PHF20: variants seen among roughly 807,000 people sequenced by gnomAD.
PHF20 encodes glioma-expressed antigen 2.
In PHF20, 23 loss-of-function variants were observed where a neutral mutation model predicts 113.5. The observed-to-expected ratio is 0.20, with a 90% confidence interval of 0.15 to 0.29. The LOEUF is 0.29. Ranked by LOEUF, PHF20 falls within the 10% of genes least tolerant of loss-of-function variation. PHF20 has a pLI of 1.00. For synonymous variants in PHF20, 434 were observed against 457.3 expected (o/e 0.95, Z 0.65); for missense variants, 943 against 1,219.6 (o/e 0.77, Z 3.38).
intron 5 of PHF20, among the ~76,000 whole-genome samples, chr20:35,861,636 T>C (rs1683917693): frequency 6.6e-6 from 1 of 152,170 alleles, no homozygotes; most frequent in Admixed American, 6.6e-5. Context: ...TTTCTAGGAA[T>C]TTATTCTAGT....
At chr20:35,805,039 T>G (rs1264356898) in intron 2 of PHF20, among the ~76,000 whole-genome samples, 1 of 151,270 alleles carries the variant, frequency 6.6e-6, no homozygotes, top group Non-Finnish European at 1.5e-5. Context: ...GTATGTGGGA[T>G]TATAGGTGTG....
chr20:35,857,636 A>T (rs756282777), intron 4 of PHF20, among the ~76,000 whole-genome samples: 7 of 120,270 alleles, frequency 5.8e-5, no homozygotes, highest in African/African-American at 6.4e-5. Context: ...CCTGGAGTGG[A>T]GTGCGATGGC....
At chr20:35,906,729 C>T (rs2055207040) in intron 10 of PHF20, among the ~76,000 whole-genome samples, 2 of 152,186 alleles carry the variant, frequency 1.3e-5, no homozygotes, top group Non-Finnish European at 2.9e-5. Flanking sequence ...CTTCTTGTAT[C>T]CGATAGGCAG....
Position 35,871,050 on chromosome 20 carries a change from C to T in PHF20, c.1018C>T (p.Leu340=). 3 of 1,613,424 alleles carry T rather than the reference C, an allele frequency of 1.9e-6. No individual in the cohort carries two copies. The highest frequency in any genetic ancestry group is 2.5e-6 in the Non-Finnish European group (3 of 1,179,806). The change falls in exon 8 of 18, where the codon CTA becomes TTA. Residue 340 remains leucine, a synonymous_variant. Transcript: ENST00000374012. Reference sequence around the variant, plus strand: ...GTCCACTAATGGGACCCATGAGATCCTAGATCCTGACTTGGTTGTATCAGA... The same window carrying T: ...GTCCACTAATGGGACCCATGAGATCTTAGATCCTGACTTGGTTGTATCAGA... The part of the protein sequence containing the change: ...RLSTNGTHEI[L]DPDLVVSDLV...
rs529295660 is a variant in PHF20, at chr20:35,797,725, C to T, written c.-32-3766C>T. On this transcript the variant is annotated intron_variant, in intron 1 of 17. Transcript: ENST00000374012. ...GGTTTGCAGTGGCACGATGTCAACT[C>T]ACTGCAACCTCCGCCTCCTGGGTTC... Among the ~76,000 whole-genome samples the T allele has an allele frequency of 3.4e-5, 5 of 148,084 alleles. No homozygotes were observed. The South Asian group carries it at 1.1e-3, about 32-fold the overall frequency.
intron 1 of PHF20, among the ~76,000 whole-genome samples, chr20:35,788,229 T>G (rs896715080): frequency 2.0e-5 from 3 of 151,972 alleles, no homozygotes; most frequent in African/African-American, 7.2e-5. Context: ...CCTGAGTAGC[T>G]GGGACTACAG....
Position 35,869,511 on chromosome 20 carries a change from T to G in PHF20, c.882T>G (p.Cys294Trp), listed in dbSNP as rs769679425. The G allele has an allele frequency of 6.2e-7, 1 of 1,610,840 alleles. No individual in the cohort carries two copies. Among genetic ancestry groups the G allele is most frequent in the Admixed American group, 1.7e-5 (1 of 59,636 alleles). Residue 294 changes from cysteine (C) to tryptophan (W), a missense_variant, in exon 7 of 18, where the codon TGT (cysteine) becomes TGG (tryptophan). Coordinates refer to ENST00000374012, the MANE Select transcript of PHF20 (RefSeq NM_016436.5). ...ELRRRKISKGCEVPLKRPRLD... is the reference protein window; with the variant it reads ...ELRRRKISKGWEVPLKRPRLD... ...GAAGAAGGAAAATATCAAAAGGATGTGAAGTCCCATTAAAACGTCCTCGGC... is the reference window on the plus strand; with the variant it reads ...GAAGAAGGAAAATATCAAAAGGATGGGAAGTCCCATTAAAACGTCCTCGGC...
At chr20:35,896,828 G>A (rs546987028) in intron 9 of PHF20, among the ~76,000 whole-genome samples, 120 of 150,340 alleles carry the variant, frequency 8.0e-4, no homozygotes, top group Non-Finnish European at 1.5e-3. Context: ...AAGTCCTTGT[G>A]ATGGGTTTAC....
At chr20:35,843,790 G>T (rs183668070) in intron 3 of PHF20, among the ~76,000 whole-genome samples, 1 of 152,168 alleles carries the variant, frequency 6.6e-6, no homozygotes, top group African/African-American at 2.4e-5. Flanking sequence ...TGTTGCCCAG[G>T]CTGGTCTTGA....
At chr20:35,881,057 T>TA (rs2054621931) in intron 9 of PHF20, among the ~76,000 whole-genome samples, 2 of 142,582 alleles carry the variant, frequency 1.4e-5, no homozygotes. Flanking sequence ...CCTTTTTTTT[T>TA]TTTTTTTTTT....
At position 35,872,317 on chromosome 20, in the gene PHF20, G is replaced by C. The variant is rs563810539; in HGVS notation, c.1282+488G>C. On this transcript the variant is annotated intron_variant, in intron 9 of 17. Coordinates refer to ENST00000374012, the MANE Select transcript of PHF20 (RefSeq NM_016436.5). ...GTGGGTGGATTGCCTGAGGTGGAGAGTTCGAGACCAGCCTGGCCAGCATGG... is the reference window on the plus strand; with the variant it reads ...GTGGGTGGATTGCCTGAGGTGGAGACTTCGAGACCAGCCTGGCCAGCATGG... Among the ~76,000 whole-genome samples, 23 of 152,138 alleles carry C rather than the reference G, an allele frequency of 1.5e-4. No individual in the cohort carries two copies. In the East Asian group the frequency reaches 4.3e-3, roughly 28 times the overall value.
chr20:35,920,838 A>G (rs573151215), intron 13 of PHF20, among the ~76,000 whole-genome samples: 1 of 152,316 alleles, frequency 6.6e-6, no homozygotes, highest in East Asian at 1.9e-4. Context: ...CCTGATATTT[A>G]AGACCTTTAT....
chr20:35,878,548 A>G (rs376273862), intron 9 of PHF20: 4 of 713,358 alleles, frequency 5.6e-6, no homozygotes, highest in Non-Finnish European at 7.7e-6. Flanking sequence ...CACCATTCGT[A>G]CTTGTTGGAA....
intron 9 of PHF20, among the ~76,000 whole-genome samples, chr20:35,892,355 G>A (rs548053829): frequency 2.6e-5 from 4 of 151,002 alleles, no homozygotes; most frequent in Admixed American, 6.6e-5. Flanking sequence ...GATTACAGGC[G>A]TGAGCCACCG....
chr20:35,898,577 G>C lies in PHF20; in HGVS notation c.1283-793G>C, dbSNP rs116069986. 2.0e-3 allele frequency among the ~76,000 whole-genome samples: 308 copies of C among 152,206 alleles called. 1 individual carries two copies. Among genetic ancestry groups the C allele is most frequent in the African/African-American group, 7.2e-3 (299 of 41,544 alleles). The stretch of plus-strand genomic sequence containing the variant: ...AGCCTCCCGAATAGCTAGAATTACA[G>C]ATGTGCTCCACCATGCCTGGCTAAT... On this transcript the variant is annotated intron_variant, in intron 9 of 17. Transcript: ENST00000374012.
intron 9 of PHF20, among the ~76,000 whole-genome samples, chr20:35,894,411 G>A (rs1480330943): frequency 6.6e-6 from 1 of 152,088 alleles, no homozygotes; most frequent in Non-Finnish European, 1.5e-5. Flanking sequence ...TAAGAATCTG[G>A]ATAATTAGAC....
chr20:35,834,044 T>C (rs897714247), intron 2 of PHF20, among the ~76,000 whole-genome samples: 1 of 151,018 alleles, frequency 6.6e-6, no homozygotes, highest in African/African-American at 2.4e-5. Flanking sequence ...GGCGACAGAG[T>C]GAGATTCCGT....
chr20:35,839,390 CA>C (rs752680212), intron 2 of PHF20, among the ~76,000 whole-genome samples: 10,144 of 67,876 alleles, frequency 0.15, 153 homozygotes, highest in African/African-American at 0.2. Flanking sequence ...GATTCCATCT[CA>C]AAAAAAAAAA....
At chr20:35,802,658 C>T (rs1382460891) in intron 2 of PHF20, among the ~76,000 whole-genome samples, 9 of 152,112 alleles carry the variant, frequency 5.9e-5, no homozygotes, top group Admixed American at 4.6e-4. Context: ...GTACACTTGG[C>T]TGGGCGCGGT....
Sources: allele counts gnomAD v4.1 joint callset (sites outside exome capture counted in the v4.1 genomes callset), GRCh38; gene constraint gnomAD v4.1.1; transcripts MANE v1.5; gene names NCBI Gene and HGNC (gene_info 2026-07-23, HGNC 2026-07-21).